Variants in RNF38 observed in about 807,000 individuals in gnomAD.
RNF38 encodes ring finger protein 38.
In RNF38, 15 loss-of-function variants were observed where a neutral mutation model predicts 67.2. That is an observed-to-expected ratio of 0.22 (90% CI 0.15 to 0.34). RNF38 has a LOEUF of 0.34. Ranked by LOEUF, RNF38 falls within the 10% of genes least tolerant of loss-of-function variation. The probability of loss-of-function intolerance (pLI) is 1.00; values close to 1 mark genes in which losing one functional copy is unlikely to be tolerated. For missense variants in RNF38, 524 were observed against 639.9 expected (o/e 0.82, Z 1.95); for synonymous variants, 220 against 218.8 (o/e 1.01, Z -0.05).
At chr9:36,367,642 C>T (rs1324269186) in intron 4 of RNF38, among the ~76,000 whole-genome samples, 2 of 151,986 alleles carry the variant, frequency 1.3e-5, no homozygotes, top group Non-Finnish European at 2.9e-5. Flanking sequence ...TCTTTTAATA[C>T]ACCACTAGCT....
intron 1 of RNF38, among the ~76,000 whole-genome samples, chr9:36,431,854 A>ATC (rs1454123595): frequency 6.6e-6 from 1 of 152,064 alleles, no homozygotes; most frequent in Admixed American, 6.6e-5. Context: ...ACCAGCCCTC[A>ATC]TCTAGAAGCT....
chr9:36,381,575 A>G (rs1175380470), intron 2 of RNF38, among the ~76,000 whole-genome samples: 1 of 152,230 alleles, frequency 6.6e-6, no homozygotes, highest in Non-Finnish European at 1.5e-5. Context: ...ACTCTAACCC[A>G]GTGTATTGGT....
intron 2 of RNF38, 33 bp downstream of exon 2, chr9:36,390,433 GC>G (rs1180248892): frequency 1.3e-6 from 2 of 1,570,156 alleles, no homozygotes; most frequent in Middle Eastern, 3.4e-4. Context: ...GTGACTTTCA[GC>G]CCTATGTAGG....
chr9:36,338,290 C>T lies in RNF38; in HGVS notation c.*1462G>A, dbSNP rs1333372748. ...TGTATTACATCAACTAAATGAAGGT[C>T]AACTCCTGTTTAACAGCATTATTTT... On this transcript the variant is annotated 3_prime_UTR_variant, in exon 12 of 12. Coordinates refer to ENST00000259605, the MANE Select transcript of RNF38 (RefSeq NM_022781.5). 1 of 152,166 alleles carries T rather than the reference C, an allele frequency of 6.6e-6. No individual in the cohort carries two copies. Among genetic ancestry groups the T allele is most frequent in the Non-Finnish European group, 1.5e-5 (1 of 68,022 alleles). The allele number at this position is 152,166 out of a possible 1,614,324, so 9.4% of individuals were successfully genotyped here.
intron 11 of RNF38, 21 bp from the exon 12 acceptor site, chr9:36,339,835 C>T (rs1412165875): frequency 6.2e-7 from 1 of 1,601,042 alleles, no homozygotes; most frequent in East Asian, 2.2e-5. Context: ...AAAAGGAAAA[C>T]TTGTTTAAAT....
At chr9:36,451,662 A>G (rs1226738895) in intron 1 of RNF38, among the ~76,000 whole-genome samples, 1 of 151,262 alleles carries the variant, frequency 6.6e-6, no homozygotes, top group African/African-American at 2.4e-5. Context: ...CACCATGCCC[A>G]GCTAATTTTG....
At position 36,450,763 on chromosome 9, in the gene RNF38, A is replaced by T. The variant is rs375667154; in HGVS notation, n.242-26080T>A. 2.6e-5 allele frequency among the ~76,000 whole-genome samples: 4 copies of T among 152,212 alleles called. No homozygotes were observed. The East Asian group carries it at 5.8e-4, about 22-fold the overall frequency. On this transcript the variant is annotated intron_variant and non_coding_transcript_variant, in intron 1 of 3. Transcript: ENST00000488058. Reference sequence around the variant, plus strand: ...AACCCCGTCTCTACTAAAAATACAAAAATGGCCTGGCGTGGTGGTTCATGC... The same window carrying T: ...AACCCCGTCTCTACTAAAAATACAATAATGGCCTGGCGTGGTGGTTCATGC...
At chr9:36,347,118 CTCGGGGGGGGGGGGGGGGGG>C (rs1563996569) in intron 9 of RNF38, among the ~76,000 whole-genome samples, 1 of 10,058 alleles carries the variant, frequency 9.9e-5, no homozygotes, top group African/African-American at 4.8e-4. Flanking sequence ...GAGACTCCAT[CTCGGGGGGGGGGGGGGGGGG>C]GGGGGGGGGG....
chr9:36,432,642 A>C (rs1485370717), intron 1 of RNF38, among the ~76,000 whole-genome samples: 2 of 151,882 alleles, frequency 1.3e-5, no homozygotes, highest in Non-Finnish European at 2.9e-5. Context: ...AAAATACAAA[A>C]ATTAGCTGGG....
At chr9:36,485,452 C>T (rs1269946163) in intron 1 of RNF38, among the ~76,000 whole-genome samples, 2 of 152,136 alleles carry the variant, frequency 1.3e-5, no homozygotes, top group Admixed American at 6.5e-5. Context: ...CTTATCTATC[C>T]ACAACCTTAA....
chr9:36,446,875 C>T (rs1220338320), intron 1 of RNF38, among the ~76,000 whole-genome samples: 7 of 139,726 alleles, frequency 5.0e-5, no homozygotes, highest in African/African-American at 1.9e-4. Context: ...AATCCCAGCA[C>T]TTTGGGAGGC....
chr9:36,478,055 ATAAT>A (rs1346255001), intron 1 of RNF38, among the ~76,000 whole-genome samples: 2 of 152,074 alleles, frequency 1.3e-5, no homozygotes, highest in Non-Finnish European at 2.9e-5. Flanking sequence ...TAATACAGTA[ATAAT>A]TAACATATTA....
At chr9:36,347,920 CA>C (rs1833405065) in intron 9 of RNF38, among the ~76,000 whole-genome samples, 1 of 151,888 alleles carries the variant, frequency 6.6e-6, no homozygotes, top group Non-Finnish European at 1.5e-5. Flanking sequence ...ACTAAAAATA[CA>C]AAAAATGAGC....
At chr9:36,486,689 A>G (rs1174215374) in intron 1 of RNF38, among the ~76,000 whole-genome samples, 3 of 151,942 alleles carry the variant, frequency 2.0e-5, no homozygotes, top group Non-Finnish European at 1.5e-5. Flanking sequence ...CCACTCACTC[A>G]AGAAAGCCCT....
At chr9:36,451,496 T>TTG (rs1839442746) in intron 1 of RNF38, among the ~76,000 whole-genome samples, 1 of 125,352 alleles carries the variant, frequency 8.0e-6, no homozygotes, top group Admixed American at 7.6e-5. Context: ...TAGTAGTTTT[T>TTG]TTTTTTTTTT....
chr9:36,364,537 G>A (rs1587513773), intron 4 of RNF38, among the ~76,000 whole-genome samples: 1 of 152,122 alleles, frequency 6.6e-6, no homozygotes. Context: ...TTGGTCAAAC[G>A]TTATTATGTA....
At chr9:36,371,263 G>C (rs1303766501) in intron 3 of RNF38, among the ~76,000 whole-genome samples, 1 of 151,982 alleles carries the variant, frequency 6.6e-6, no homozygotes, top group Non-Finnish European at 1.5e-5. Flanking sequence ...AGAGAACAAG[G>C]GACATTCCTT....
At chr9:36,441,329 A>C (rs1005497761) in intron 1 of RNF38, among the ~76,000 whole-genome samples, 26 of 148,560 alleles carry the variant, frequency 1.8e-4, no homozygotes, top group Non-Finnish European at 2.5e-4. Context: ...CTAAATTACC[A>C]ATTTTTTTTT....
At chr9:36,347,535 C>T (rs1463693552) in intron 9 of RNF38, among the ~76,000 whole-genome samples, 2 of 152,178 alleles carry the variant, frequency 1.3e-5, no homozygotes, top group East Asian at 3.8e-4. Flanking sequence ...TGATCTTTGA[C>T]GTTACTATTG....
Sources: gnomAD v4.1 joint callset for allele counts (sites outside exome capture counted in the v4.1 genomes callset) on GRCh38, gnomAD v4.1.1 for gene constraint, MANE v1.5 for transcripts, NCBI Gene and HGNC (gene_info 2026-07-23, HGNC 2026-07-21) for gene names.